The following PIK3CB variants were observed in gnomAD, a reference collection of about 807,000 sequenced individuals.
PIK3CB encodes the protein phosphatidylinositol-4,5-bisphosphate 3-kinase catalytic subunit beta.
In PIK3CB, 39 loss-of-function variants were observed where a neutral mutation model predicts 136.8. The ratio of observed to expected loss-of-function variants is 0.29; its 90% CI spans 0.22 to 0.37. The LOEUF (loss-of-function observed/expected upper bound fraction) is 0.37. Among genes scored for constraint, PIK3CB ranks in the 10% least tolerant of loss-of-function variants. PIK3CB has a pLI of 1.00. For synonymous variants in PIK3CB, 428 were observed against 436.6 expected, an observed-to-expected ratio of 0.98 and a Z score of 0.25; for missense variants, 868 against 1,275.4, an observed-to-expected ratio of 0.68 and a Z score of 4.87.
chr3:138,820,848 A>AT (rs920254429), intron 1 of PIK3CB, among the ~76,000 whole-genome samples: 7 of 152,138 alleles, frequency 4.6e-5, no homozygotes, highest in East Asian at 3.9e-4. Context: ...GGAACGTCCT[A>AT]TTTTTTTTAA....
At chr3:138,693,863 A>G (rs2044062306) in intron 14 of PIK3CB, among the ~76,000 whole-genome samples, 1 of 148,132 alleles carries the variant, frequency 6.8e-6, no homozygotes, top group African/African-American at 2.5e-5. Flanking sequence ...GCCTCTGAGA[A>G]GGAAGAGAAG....
chr3:138,678,691 T>C (rs1014326015), intron 19 of PIK3CB, among the ~76,000 whole-genome samples: 1 of 152,088 alleles, frequency 6.6e-6, no homozygotes, highest in Non-Finnish European at 1.5e-5. Flanking sequence ...AGGTAAATAC[T>C]AACCAAAATA....
In PIK3CB at chr3:138,803,981, G is replaced by T. The variant is rs1305700601; in HGVS notation, c.-121-7414C>A. On this transcript the variant is annotated intron_variant, in intron 1 of 23. Transcript: ENST00000674063. ...TTATTGTTAGATAATTTACAAACAG[G>T]TTAATACTGTTACCACATATTCTAG... 7.2e-5 allele frequency among the ~76,000 whole-genome samples: 11 copies of T among 152,068 alleles called. No individual in the cohort carries two copies. The East Asian group carries it at 1.4e-3, about 19-fold the overall frequency.
At chr3:138,785,226 C>T (rs993638249) in intron 2 of PIK3CB, among the ~76,000 whole-genome samples, 9 of 149,616 alleles carry the variant, frequency 6.0e-5, no homozygotes, top group African/African-American at 2.2e-4. Context: ...CGCCCTGTCC[C>T]GGAGGGAGGC....
chr3:138,711,317 G>T (rs531622534), intron 10 of PIK3CB, among the ~76,000 whole-genome samples: 7 of 151,690 alleles, frequency 4.6e-5, no homozygotes, highest in African/African-American at 1.7e-4. Context: ...GGTGGCTCAC[G>T]CCTGTAATCC....
In PIK3CB at chr3:138,740,103, A is replaced by C. The variant is rs2045212272; in HGVS notation, c.622-2217T>G. Among the ~76,000 whole-genome samples, 3 of 151,668 alleles carry C rather than the reference A, an allele frequency of 2.0e-5. No individual in the cohort carries two copies. The South Asian group carries it at 6.2e-4, about 32-fold the overall frequency. The stretch of plus-strand genomic sequence containing the variant: ...CCAGGTGCAGTGGCTCACACCTGTA[A>C]TCCCAGCACCTTGGGAGGCCAAAGC... On this transcript the variant is annotated intron_variant, in intron 5 of 23. Coordinates refer to ENST00000674063, the MANE Select transcript of PIK3CB (RefSeq NM_006219.3).
intron 4 of PIK3CB, among the ~76,000 whole-genome samples, chr3:138,754,712 G>GT (rs530479110): frequency 9.7e-4 from 147 of 152,290 alleles, no homozygotes; most frequent in Admixed American, 4.7e-3. Context: ...CTCAGAGGGA[G>GT]TAGTCCCACA....
Position 138,706,301 on chromosome 3 carries a change from A to T in PIK3CB, c.1530+858T>A, listed in dbSNP as rs530014745. Among the ~76,000 whole-genome samples the T allele has an allele frequency of 2.0e-5, 3 of 152,350 alleles. No homozygotes were observed. In the South Asian group the frequency reaches 6.2e-4, roughly 32 times the overall value. On this transcript the variant is annotated intron_variant, in intron 11 of 23. Transcript: ENST00000674063. The stretch of plus-strand genomic sequence containing the variant: ...TATATGACAGCTCAGCTCTCTTAGC[A>T]TGTAAATTACCATAGCCCTATATTT...
At chr3:138,736,445 ACAAT>A (rs1270092719) in intron 6 of PIK3CB, among the ~76,000 whole-genome samples, 2 of 152,234 alleles carry the variant, frequency 1.3e-5, no homozygotes, top group Non-Finnish European at 2.9e-5. Flanking sequence ...AACAACAACA[ACAAT>A]AATATCACAA....
intron 20 of PIK3CB, among the ~76,000 whole-genome samples, chr3:138,664,815 C>T (rs2043371160): frequency 6.6e-6 from 1 of 152,204 alleles, no homozygotes; most frequent in South Asian, 2.1e-4. Flanking sequence ...TGTAACTTTA[C>T]TGCGGGGCTC....
At chr3:138,667,669 A>C (rs1443841372) in intron 19 of PIK3CB, among the ~76,000 whole-genome samples, 7 of 150,484 alleles carry the variant, frequency 4.7e-5, no homozygotes, top group Non-Finnish European at 1.0e-4. Flanking sequence ...TCACGTCATT[A>C]TCCTGCCTCA....
chr3:138,747,783 A>C (rs1281011510), intron 4 of PIK3CB, among the ~76,000 whole-genome samples: 1 of 152,182 alleles, frequency 6.6e-6, no homozygotes, highest in East Asian at 1.9e-4. Flanking sequence ...AATCTCAAAA[A>C]AAGTTTCAAT....
At chr3:138,658,768 T>C (rs1326334513) in intron 21 of PIK3CB, among the ~76,000 whole-genome samples, 1 of 152,228 alleles carries the variant, frequency 6.6e-6, no homozygotes, top group African/African-American at 2.4e-5. Flanking sequence ...TTTAGAAAAC[T>C]GTACGCATGT....
intron 4 of PIK3CB, among the ~76,000 whole-genome samples, chr3:138,744,108 T>A (rs548312677): frequency 6.6e-6 from 1 of 151,840 alleles, no homozygotes; most frequent in African/African-American, 2.4e-5. Flanking sequence ...AGGAAGTGGA[T>A]TGGTCGGGCG....
intron 2 of PIK3CB, among the ~76,000 whole-genome samples, chr3:138,771,223 C>CTTT (rs34387538): frequency 1.2e-4 from 15 of 129,840 alleles, no homozygotes; most frequent in South Asian, 4.8e-4. Flanking sequence ...TTCATTTTGC[C>CTTT]TTTTTTTTTT....
At position 138,755,753 on chromosome 3, in the gene PIK3CB, CCTTTTCCTATAAGGA is replaced by C; in HGVS notation, c.383_397del (p.Val128_Lys132del). 7.0e-7 allele frequency: 1 copy of C among 1,428,550 alleles called. No homozygotes were observed. Among genetic ancestry groups the C allele is most frequent in the Non-Finnish European group, 9.8e-7 (1 of 1,020,652 alleles). 88.5% of individuals were successfully genotyped at this position (1,428,550 alleles called of 1,614,324 possible). On this transcript the variant is annotated inframe_deletion and splice_region_variant, in exon 4 of 24. Transcript: ENST00000674063. ...TACTTTTTTTTTATTTTTTAATTTA[CCTTTTCCTATAAGGA>C]CTCCAATTTTTGAGTCTAATTTTTC...
intron 16 of PIK3CB, among the ~76,000 whole-genome samples, chr3:138,685,396 C>CA (rs398052626): frequency 0.029 from 1,682 of 58,278 alleles, 264 homozygotes; most frequent in African/African-American, 0.14. Context: ...GAAACTGTCT[C>CA]AAAAAAAAAA....
chr3:138,759,238 A>G lies in PIK3CB; in HGVS notation c.106T>C (p.Leu36=), dbSNP rs144079039. 3.0e-5 allele frequency: 49 copies of G among 1,612,792 alleles called. No homozygotes were observed. In the African/African-American group the frequency reaches 5.9e-4, roughly 19 times the overall value. ...SDGSIPVDFL[L]PTGIYIQLEV... is the part of the protein sequence containing the mutation. Reference sequence around the variant, plus strand: ...AACTGGATATAAATCCCAGTGGGCAAAAGGAAATCCACAGGTATGGAGCCA... The same window carrying G: ...AACTGGATATAAATCCCAGTGGGCAGAAGGAAATCCACAGGTATGGAGCCA... The change falls in exon 3 of 24, where the codon TTG becomes CTG. Residue 36 remains leucine (L), a synonymous_variant. Transcript: ENST00000674063.
chr3:138,806,063 A>G (rs988578307), intron 1 of PIK3CB, among the ~76,000 whole-genome samples: 1 of 152,226 alleles, frequency 6.6e-6, no homozygotes, highest in South Asian at 2.1e-4. Flanking sequence ...TTCCCCTTAC[A>G]AAAAGAATCA....
Sources: gnomAD v4.1 joint callset for allele counts (sites outside exome capture counted in the v4.1 genomes callset) on GRCh38, gnomAD v4.1.1 for gene constraint, MANE v1.5 for transcripts, NCBI Gene and HGNC (gene_info 2026-07-23, HGNC 2026-07-21) for gene names.